Variants in MAP7 observed in about 807,000 individuals in gnomAD.
MAP7 encodes microtubule associated protein 7.
Under a neutral mutation model 94.8 loss-of-function variants are expected in MAP7, and 52 were observed. The observed-to-expected ratio is 0.55, with a 90% CI of 0.44 to 0.69. MAP7 has a LOEUF of 0.69. Among genes scored for constraint, MAP7 ranks in the 30% least tolerant of loss-of-function variants. The pLI is 0.00. For missense variants in MAP7, 940 were observed against 964.6 expected (o/e 0.97, Z 0.34); for synonymous variants, 350 against 357.0 (o/e 0.98, Z 0.22).
At chr6:136,371,619 G>A (rs762632090) in intron 8 of MAP7, among the ~76,000 whole-genome samples, 22 of 152,190 alleles carry the variant, frequency 1.4e-4, no homozygotes, top group Non-Finnish European at 2.6e-4. Flanking sequence ...GGGAAGTTAC[G>A]ATTTTAAGAA....
At position 136,461,160 on chromosome 6, in the gene MAP7, T is replaced by C. The variant is rs573003821; in HGVS notation, c.68-39361A>G. Among the ~76,000 whole-genome samples, 496 of 152,320 alleles carry C rather than the reference T, an allele frequency of 3.3e-3. 3 individuals are homozygous for C. The highest frequency in any genetic ancestry group is 0.011 in the African/African-American group (477 of 41,580). On this transcript the variant is annotated intron_variant, in intron 1 of 17. Transcript: ENST00000354570. ...ATTTACGAAAACTCCAAACTCCATG[T>C]TTTATAACTAAGAGAATTCTCACTT...
intron 1 of MAP7, among the ~76,000 whole-genome samples, chr6:136,479,283 A>G (rs967950984): frequency 6.6e-6 from 1 of 152,224 alleles, no homozygotes. Flanking sequence ...AGTGATGCTG[A>G]AAAAGCATTT....
chr6:136,489,138 A>T lies in MAP7; in HGVS notation c.67+61204T>A, dbSNP rs1430892313. Among the ~76,000 whole-genome samples the T allele has an allele frequency of 2.0e-5, 3 of 151,844 alleles. No individual in the cohort carries two copies. In the East Asian group the frequency reaches 5.8e-4, roughly 30 times the overall value. ...ACACCGCAAACCATTTCAAATAAGG[A>T]CATATCTCTACCTTCCAAGAGTAGA... On this transcript the variant is annotated intron_variant, in intron 1 of 17. Transcript: ENST00000354570.
chr6:136,440,989 C>T (rs1797696583), intron 1 of MAP7, among the ~76,000 whole-genome samples: 1 of 152,250 alleles, frequency 6.6e-6, no homozygotes, highest in East Asian at 1.9e-4. Context: ...TAATGTCCTC[C>T]AGGTTCATCC....
chr6:136,466,815 C>T (rs1380382828), intron 1 of MAP7: 3 of 1,534,290 alleles, frequency 2.0e-6, no homozygotes, highest in Admixed American at 2.0e-5. Flanking sequence ...TATCCTGCAA[C>T]ATATCTGCAT....
At chr6:136,472,378 A>G (rs1809327812) in intron 1 of MAP7, among the ~76,000 whole-genome samples, 1 of 152,202 alleles carries the variant, frequency 6.6e-6, no homozygotes, top group Non-Finnish European at 1.5e-5. Context: ...TAATTTCCTT[A>G]AAACAAACCA....
chr6:136,458,966 C>G (rs576268572), intron 1 of MAP7, among the ~76,000 whole-genome samples: 1 of 152,022 alleles, frequency 6.6e-6, no homozygotes, highest in Non-Finnish European at 1.5e-5. Flanking sequence ...AGGCAACCTA[C>G]AAAATGGGGA....
At chr6:136,398,533 C>T (rs188964016) in intron 3 of MAP7, among the ~76,000 whole-genome samples, 5 of 152,278 alleles carry the variant, frequency 3.3e-5, no homozygotes, top group Non-Finnish European at 7.3e-5. Context: ...GGAGGGACCC[C>T]GTGGGACATA....
intron 2 of MAP7, among the ~76,000 whole-genome samples, chr6:136,412,680 CGG>C (rs1787871575): frequency 6.6e-6 from 1 of 152,034 alleles, no homozygotes; most frequent in Non-Finnish European, 1.5e-5. Flanking sequence ...GAGTAAGCGA[CGG>C]GGCTCATGGT....
chr6:136,407,089 C>T (rs1411096753), intron 3 of MAP7, among the ~76,000 whole-genome samples: 2 of 152,224 alleles, frequency 1.3e-5, no homozygotes, highest in Admixed American at 1.3e-4. Flanking sequence ...GTTTAGAACA[C>T]TGCCTGGCCC....
chr6:136,456,872 A>T (rs1803401612), intron 1 of MAP7, among the ~76,000 whole-genome samples: 1 of 150,714 alleles, frequency 6.6e-6, no homozygotes, highest in Admixed American at 6.6e-5. Flanking sequence ...GAAGAAGAAG[A>T]AATACTTCAA....
chr6:136,513,625 T>C (rs1823892392), intron 1 of MAP7, among the ~76,000 whole-genome samples: 3 of 152,148 alleles, frequency 2.0e-5, no homozygotes, highest in African/African-American at 7.2e-5. Context: ...ATTTTGAGTT[T>C]TGTATGGTAG....
chr6:136,372,707 G>T lies in MAP7; in HGVS notation c.752-82C>A, dbSNP rs1774927423. 12 of 1,583,036 alleles carry T rather than the reference G, an allele frequency of 7.6e-6. No homozygotes were observed. In the Admixed American group the frequency reaches 2.0e-4, roughly 27 times the overall value. On this transcript the variant is annotated intron_variant, in intron 7 of 17. Coordinates refer to ENST00000354570, the MANE Select transcript of MAP7 (RefSeq NM_003980.6). Reference sequence around the variant, plus strand: ...AGTGCCAGAGGAGCAGTTGAAGAAAGCCAAAAGCAGGTTCAGGAAAAGGAG... The same window carrying T: ...AGTGCCAGAGGAGCAGTTGAAGAAATCCAAAAGCAGGTTCAGGAAAAGGAG...
chr6:136,505,275 G>GTATA (rs1312349410), intron 1 of MAP7, among the ~76,000 whole-genome samples: 78 of 69,158 alleles, frequency 1.1e-3, no homozygotes, highest in Middle Eastern at 0.011. Context: ...GTGTGTGTGT[G>GTATA]TGTATATATA....
chr6:136,539,965 C>T (rs1473054101), intron 1 of MAP7, among the ~76,000 whole-genome samples: 3 of 152,096 alleles, frequency 2.0e-5, no homozygotes, highest in East Asian at 1.9e-4. Context: ...GGCGACAGAG[C>T]GAGACCCTGT....
chr6:136,384,736 T>C (rs752661365), intron 5 of MAP7, among the ~76,000 whole-genome samples: 1 of 152,144 alleles, frequency 6.6e-6, no homozygotes, highest in Non-Finnish European at 1.5e-5. Context: ...TACTCCACCT[T>C]GACTTCCCAA....
At chr6:136,376,469 A>G (rs142693823) in intron 7 of MAP7, among the ~76,000 whole-genome samples, 2 of 152,372 alleles carry the variant, frequency 1.3e-5, no homozygotes, top group Non-Finnish European at 2.9e-5. Flanking sequence ...TGTGAAATTC[A>G]TAGGCATAAG....
intron 8 of MAP7, among the ~76,000 whole-genome samples, chr6:136,366,654 C>A (rs1794405940): frequency 6.6e-6 from 1 of 152,184 alleles, no homozygotes; most frequent in Non-Finnish European, 1.5e-5. Context: ...TAAGGTGATT[C>A]CGGATGTGTT....
At chr6:136,440,873 T>C (rs1163254200) in intron 1 of MAP7, among the ~76,000 whole-genome samples, 2 of 151,812 alleles carry the variant, frequency 1.3e-5, no homozygotes, top group African/African-American at 2.4e-5. Flanking sequence ...CCCAATCTCT[T>C]GGTAATCTCT....
Sources: gnomAD v4.1 joint callset for allele counts (sites outside exome capture counted in the v4.1 genomes callset) on GRCh38, gnomAD v4.1.1 for gene constraint, MANE v1.5 for transcripts, NCBI Gene and HGNC (gene_info 2026-07-23, HGNC 2026-07-21) for gene names.